The following CRACD variants were observed in gnomAD, a reference collection of about 807,000 sequenced individuals.
CRACD encodes the protein capping protein-inhibiting regulator of actin dynamics.
Under a neutral mutation model 106.8 loss-of-function variants are expected in CRACD, and 56 were observed. The ratio of observed to expected loss-of-function variants is 0.52; its 90% CI spans 0.42 to 0.66. CRACD has a LOEUF of 0.66. Among genes scored for constraint, CRACD ranks in the 30% least tolerant of loss-of-function variants. The probability of loss-of-function intolerance (pLI) is 0.00; values close to 1 mark genes in which losing one functional copy is unlikely to be tolerated. For missense variants in CRACD, 1,730 were observed against 1,623.2 expected (o/e 1.07, Z -1.13); for synonymous variants, 754 against 670.8 (o/e 1.12, Z -1.92).
chr4:56,198,538 G>A (rs1392280873), intron 2 of CRACD, among the ~76,000 whole-genome samples: 1 of 152,182 alleles, frequency 6.6e-6, no homozygotes, highest in Non-Finnish European at 1.5e-5. Context: ...CTTAGTACTT[G>A]TGAAGAAGTA....
At chr4:56,259,257 G>A (rs1741556043) in intron 2 of CRACD, among the ~76,000 whole-genome samples, 1 of 152,120 alleles carries the variant, frequency 6.6e-6, no homozygotes, top group Non-Finnish European at 1.5e-5. Flanking sequence ...ACCATTGTGG[G>A]CAGAGCTAGG....
chr4:56,075,534 T>A (rs1577946990), intron 1 of CRACD, among the ~76,000 whole-genome samples: 1 of 152,124 alleles, frequency 6.6e-6, no homozygotes, highest in East Asian at 1.9e-4. Flanking sequence ...AGTGGTAATA[T>A]CCCCTTCATC....
In CRACD at chr4:56,328,905, G is replaced by T. The variant is rs914529002; in HGVS notation, c.*1101G>T. 4.6e-5 allele frequency among the ~76,000 whole-genome samples: 7 copies of T among 152,270 alleles called. No individual in the cohort carries two copies. The highest frequency in any genetic ancestry group is 8.8e-5 in the Non-Finnish European group (6 of 68,016). ...ATTACATGTTTGAAAATTCCCTTTG[G>T]TCTTTAGGGAAAATAAACAGGAAGC... On this transcript the variant is annotated 3_prime_UTR_variant, in exon 11 of 11. Coordinates refer to ENST00000682029, the MANE Select transcript of CRACD (RefSeq NM_001393381.1).
chr4:56,235,819 A>G (rs1256949241), intron 2 of CRACD, among the ~76,000 whole-genome samples: 4 of 152,182 alleles, frequency 2.6e-5, no homozygotes, highest in Non-Finnish European at 2.9e-5. Context: ...ACATGTATCT[A>G]TATCTGCGTA....
At chr4:56,274,822 A>G (rs1742585597) in intron 3 of CRACD, among the ~76,000 whole-genome samples, 1 of 152,258 alleles carries the variant, frequency 6.6e-6, no homozygotes, top group African/African-American at 2.4e-5. Context: ...CCATAAAGCC[A>G]CACGCATGCA....
Position 56,309,728 on chromosome 4 carries a change from CCTGTA to C in CRACD, c.286-937_286-933del, listed in dbSNP as rs560149580. Among the ~76,000 whole-genome samples, 19 of 152,258 alleles carry C rather than the reference CCTGTA, an allele frequency of 1.2e-4. No homozygotes were observed. The South Asian group carries it at 3.9e-3, about 32-fold the overall frequency. ...AATTAGCCGGATGCGGTGGCGCATGCCTGTAATCCCAGCTACTCGGGAGGTTGAGG... is the reference window on the plus strand; with the variant it reads ...AATTAGCCGGATGCGGTGGCGCATGCATCCCAGCTACTCGGGAGGTTGAGG... On this transcript the variant is annotated intron_variant, in intron 5 of 10. Transcript: ENST00000682029.
chr4:56,242,856 G>A (rs962414463), intron 2 of CRACD, among the ~76,000 whole-genome samples: 2 of 152,258 alleles, frequency 1.3e-5, no homozygotes, highest in African/African-American at 2.4e-5. Flanking sequence ...AGGACCCTAT[G>A]TGAAAACAAG....
Position 56,313,349 on chromosome 4 carries a change from G to C in CRACD, c.507G>C (p.Arg169Ser). The change falls in exon 7 of 11, where the codon AGG becomes AGC. Residue 169 changes from arginine to serine, a missense_variant. Arg to Ser is a moderately radical substitution (Grantham distance 110, BLOSUM62 -1). This residue lies in a region of CRACD where 1,620 missense variants were observed against 1,481.6 expected (regional missense o/e 1.09). Transcript: ENST00000682029. The part of the protein sequence containing the change: ...HKLAVKPKKQ[R>S]VSKKHRRLAQ... The stretch of plus-strand genomic sequence containing the variant: ...TGGCTGTTAAGCCAAAAAAACAGAG[G>C]GTGTCAAAGAAGCACAGGCGCCTTG... The C allele has an allele frequency of 6.2e-7, 1 of 1,614,094 alleles. No individual in the cohort carries two copies. Among genetic ancestry groups the C allele is most frequent in the Non-Finnish European group, 8.5e-7 (1 of 1,180,032 alleles).
intron 1 of CRACD, among the ~76,000 whole-genome samples, chr4:56,166,952 G>A (rs1202011896): frequency 6.6e-6 from 1 of 152,142 alleles, no homozygotes; most frequent in African/African-American, 2.4e-5. Context: ...ATGGGACAGT[G>A]CTCTGAAATC....
intron 1 of CRACD, among the ~76,000 whole-genome samples, chr4:56,102,825 T>C (rs987307927): frequency 4.6e-5 from 7 of 152,206 alleles, no homozygotes; most frequent in Non-Finnish European, 8.8e-5. Context: ...GCAGAGCTCC[T>C]TTCTCAACAG....
At chr4:56,112,768 C>G (rs945294276) in intron 1 of CRACD, among the ~76,000 whole-genome samples, 1 of 152,090 alleles carries the variant, frequency 6.6e-6, no homozygotes, top group South Asian at 2.1e-4. Context: ...TCAGCTTGCC[C>G]GTTTAGTTTT....
chr4:56,302,004 G>A (rs1205552360), intron 4 of CRACD, among the ~76,000 whole-genome samples: 4 of 152,128 alleles, frequency 2.6e-5, no homozygotes. Context: ...GGCCAGTAGT[G>A]TGAATACCAT....
At chr4:56,251,700 A>G (rs960043289) in intron 2 of CRACD, among the ~76,000 whole-genome samples, 2 of 152,222 alleles carry the variant, frequency 1.3e-5, no homozygotes, top group African/African-American at 2.4e-5. Context: ...TCTCAGCAGT[A>G]TGAACATCGG....
intron 2 of CRACD, among the ~76,000 whole-genome samples, chr4:56,218,988 G>A (rs182799289): frequency 3.2e-4 from 49 of 152,256 alleles, no homozygotes; most frequent in Admixed American, 1.0e-3. Flanking sequence ...TCAATGCCCT[G>A]AATATAGCTT....
chr4:56,281,450 TA>T (rs1743034693), intron 3 of CRACD, among the ~76,000 whole-genome samples: 1 of 152,200 alleles, frequency 6.6e-6, no homozygotes, highest in African/African-American at 2.4e-5. Context: ...CAATATGTGG[TA>T]AATGCAGCAG....
chr4:56,225,503 G>A (rs911313815), intron 2 of CRACD, among the ~76,000 whole-genome samples: 2 of 152,104 alleles, frequency 1.3e-5, no homozygotes, highest in East Asian at 3.9e-4. Flanking sequence ...CTGCCTCCCT[G>A]AACCCGTTTC....
chr4:56,187,656 TTC>T (rs1323131263), intron 2 of CRACD, among the ~76,000 whole-genome samples: 34 of 152,118 alleles, frequency 2.2e-4, no homozygotes, highest in African/African-American at 6.5e-4. Context: ...CATTTTAATC[TTC>T]TTTTTCCTTA....
At chr4:56,162,389 T>C (rs1735991986) in intron 1 of CRACD, among the ~76,000 whole-genome samples, 1 of 151,814 alleles carries the variant, frequency 6.6e-6, no homozygotes, top group African/African-American at 2.4e-5. Flanking sequence ...GTTTTTGTTT[T>C]AAGAAATAGG....
At chr4:56,310,409 G>A (rs1265045706) in intron 5 of CRACD, among the ~76,000 whole-genome samples, 3 of 152,310 alleles carry the variant, frequency 2.0e-5, no homozygotes, top group African/African-American at 7.2e-5. Context: ...AAACACAAAT[G>A]ACCGAGACTG....
Sources: gnomAD v4.1 joint callset for allele counts (sites outside exome capture counted in the v4.1 genomes callset) on GRCh38, gnomAD v4.1.1 for gene constraint, gnomAD v4.1.1 regional missense constraint, MANE v1.5 for transcripts, NCBI Gene and HGNC (gene_info 2026-07-23, HGNC 2026-07-21) for gene names.